The following SLC44A5 variants were observed in gnomAD, a reference collection of about 807,000 sequenced individuals.
The protein encoded by SLC44A5 is solute carrier family 44 member 5, also known as choline transporter-like protein 5.
Under a neutral mutation model 101.8 loss-of-function variants are expected in SLC44A5, and 57 were observed. The ratio of observed to expected loss-of-function variants is 0.56; its 90% CI spans 0.45 to 0.70. The LOEUF is 0.70. SLC44A5 is among the 30% of genes least tolerant of loss of function. SLC44A5 has a pLI of 0.00. For synonymous variants in SLC44A5, 281 were observed against 290.9 expected, an observed-to-expected ratio of 0.97 and a Z score of 0.35; for missense variants, 737 against 853.1, an observed-to-expected ratio of 0.86 and a Z score of 1.70.
intron 2 of SLC44A5, among the ~76,000 whole-genome samples, chr1:75,409,684 T>C (rs1021945731): frequency 3.3e-5 from 5 of 152,044 alleles, no homozygotes; most frequent in African/African-American, 1.2e-4. Flanking sequence ...TTATTGATAT[T>C]TCAGGAAATA....
At chr1:75,208,629 T>A (rs1407554449) in intron 23 of SLC44A5, among the ~76,000 whole-genome samples, 1 of 152,168 alleles carries the variant, frequency 6.6e-6, no homozygotes, top group African/African-American at 2.4e-5. Context: ...ATGTTCCAAT[T>A]GACAGCAATT....
chr1:75,222,319 G>T, intron 14 of SLC44A5, 42 bp downstream of exon 14: 3 of 1,405,942 alleles, frequency 2.1e-6, no homozygotes, highest in South Asian at 1.2e-5. Flanking sequence ...TGATTTTACT[G>T]ACTGATACAC....
intron 2 of SLC44A5, among the ~76,000 whole-genome samples, chr1:75,530,624 A>G (rs1479972019): frequency 1.3e-5 from 2 of 152,114 alleles, no homozygotes; most frequent in African/African-American, 4.8e-5. Context: ...TTAATAGTCA[A>G]ATTTTGATAT....
rs1465323558 is a variant in SLC44A5 at position 75,275,010 on chromosome 1, A to G, written c.208T>C (p.Tyr70His). 2.5e-6 allele frequency: 4 copies of G among 1,612,958 alleles called. No individual in the cohort carries two copies. Among genetic ancestry groups the G allele is most frequent in the Middle Eastern group, 1.7e-4 (1 of 6,050 alleles). The change falls in exon 6 of 24, where the codon TAT (tyrosine) becomes CAT (histidine). Residue 70 changes from tyrosine (Y) to histidine (H), a missense_variant. Tyr to His is a moderately conservative substitution (Grantham distance 83). This residue lies in a region of SLC44A5 where 665 missense variants were observed against 764.4 expected (regional missense o/e 0.87). Transcript: ENST00000370859. The part of the protein sequence containing the change: ...WVHGDPRRAA[Y>H]PTDSQGHFCG... ...AAGTGGCCCTGGCTGTCTGTAGGAT[A>G]GGCTGCTCTTCTGGGGTCCCCATGT...
the SLC44A5 span, among the ~76,000 whole-genome samples, chr1:75,637,106 A>G: frequency 1.3e-5 from 2 of 152,060 alleles, no homozygotes; most frequent in Admixed American, 6.6e-5. Flanking sequence ...AATTTTAACT[A>G]ATTTAGATTT....
intron 2 of SLC44A5, among the ~76,000 whole-genome samples, chr1:75,457,172 C>T (rs538442130): frequency 6.6e-6 from 1 of 152,148 alleles, no homozygotes; most frequent in African/African-American, 2.4e-5. Flanking sequence ...TTCTTTCTTT[C>T]GCCTGTTAAT....
In SLC44A5 at chr1:75,529,504, C is replaced by T. The variant is rs75569313; in HGVS notation, c.13+11931G>A. Among the ~76,000 whole-genome samples, 860 of 152,216 alleles carry T rather than the reference C, an allele frequency of 5.6e-3. 8 individuals are homozygous for T. The highest frequency in any genetic ancestry group is 0.02 in the African/African-American group (822 of 41,556). ...ACTCTACAGAAGAATCAGGGTGGCCCAGTAAATGCCATCTCCCACAATTTT... is the reference window on the plus strand; with the variant it reads ...ACTCTACAGAAGAATCAGGGTGGCCTAGTAAATGCCATCTCCCACAATTTT... On this transcript the variant is annotated intron_variant, in intron 2 of 23. Transcript: ENST00000370859.
At chr1:75,674,628 A>T in the SLC44A5 span, among the ~76,000 whole-genome samples, 4 of 1,366 alleles carry the variant, frequency 2.9e-3, no homozygotes, top group South Asian at 0.045. Flanking sequence ...GATCCCCCCC[A>T]ACCTCAGCCT....
At chr1:75,256,090 T>C (rs568215812) in intron 6 of SLC44A5, among the ~76,000 whole-genome samples, 2 of 152,228 alleles carry the variant, frequency 1.3e-5, no homozygotes, top group Non-Finnish European at 2.9e-5. Flanking sequence ...TAAATTCACA[T>C]ACTTACGCTA....
At chr1:75,622,038 GA>G in the SLC44A5 span, among the ~76,000 whole-genome samples, 127 of 152,116 alleles carry the variant, frequency 8.3e-4, no homozygotes, top group Admixed American at 3.5e-3. Flanking sequence ...AATTTCACCT[GA>G]ATTAAACAGA....
chr1:75,251,985 C>T (rs1425335682), intron 6 of SLC44A5, among the ~76,000 whole-genome samples: 1 of 152,178 alleles, frequency 6.6e-6, no homozygotes, highest in Non-Finnish European at 1.5e-5. Context: ...TTCCTACCTA[C>T]TTCACAGAGT....
intron 22 of SLC44A5, among the ~76,000 whole-genome samples, chr1:75,211,781 T>C (rs1646859810): frequency 6.6e-6 from 1 of 151,070 alleles, no homozygotes; most frequent in African/African-American, 2.4e-5. Flanking sequence ...TTTTGGGGGG[T>C]ACTATTTTCT....
upstream of SLC44A5, among the ~76,000 whole-genome samples, chr1:75,615,424 C>CACATACAT (rs1675830356): frequency 3.1e-5 from 3 of 97,238 alleles, no homozygotes; most frequent in Admixed American, 3.8e-4. Context: ...CTTACACACA[C>CACATACAT]ACACACATAC....
chr1:75,570,090 G>A (rs1201553675), intron 1 of SLC44A5, among the ~76,000 whole-genome samples: 2 of 152,200 alleles, frequency 1.3e-5, no homozygotes, highest in African/African-American at 4.8e-5. Flanking sequence ...ATTTGTTGAA[G>A]GCTGATGGGA....
At chr1:75,351,722 G>A (rs1658670965) in intron 3 of SLC44A5, among the ~76,000 whole-genome samples, 1 of 151,772 alleles carries the variant, frequency 6.6e-6, no homozygotes, top group South Asian at 2.1e-4. Flanking sequence ...GTTGTACTGA[G>A]AGTGGTTTAG....
intron 2 of SLC44A5, among the ~76,000 whole-genome samples, chr1:75,445,489 A>G (rs1008377071): frequency 2.0e-5 from 3 of 149,516 alleles, no homozygotes; most frequent in Non-Finnish European, 4.4e-5. Flanking sequence ...ACTATATAAA[A>G]TATATATAAT....
the SLC44A5 span, among the ~76,000 whole-genome samples, chr1:75,706,479 T>G: frequency 1.3e-5 from 2 of 152,318 alleles, no homozygotes; most frequent in East Asian, 3.9e-4. Flanking sequence ...TAATCTATAT[T>G]ATTAATGTTT....
the SLC44A5 span, among the ~76,000 whole-genome samples, chr1:75,678,836 C>T: frequency 1.3e-5 from 2 of 151,944 alleles, no homozygotes; most frequent in African/African-American, 4.8e-5. Context: ...GACATTCAAA[C>T]CAAAGGTAAA....
chr1:75,262,115 A>G (rs1025648369), intron 6 of SLC44A5, among the ~76,000 whole-genome samples: 5 of 152,218 alleles, frequency 3.3e-5, no homozygotes, highest in Non-Finnish European at 5.9e-5. Context: ...ACTCCTTCAC[A>G]GTATTAGAAG....
Sources: allele counts gnomAD v4.1 joint callset (sites outside exome capture counted in the v4.1 genomes callset), GRCh38; gene constraint gnomAD v4.1.1; regional missense constraint gnomAD v4.1.1; transcripts MANE v1.5; gene names NCBI Gene and HGNC (gene_info 2026-07-23, HGNC 2026-07-21).